Variants in ZNF608 observed in about 807,000 individuals in gnomAD.
ZNF608 encodes the protein renal carcinoma antigen NY-REN-36.
ZNF608 carries 12 observed loss-of-function variants against 109.0 expected under a neutral mutation model. That is an observed-to-expected ratio of 0.11 (90% CI 0.07 to 0.18). The LOEUF is 0.18. Ranked by LOEUF, ZNF608 falls within the 10% of genes least tolerant of loss-of-function variation. ZNF608 has a pLI of 1.00. For missense variants in ZNF608, 1,707 were observed against 1,879.3 expected (o/e 0.91, Z 1.70); for synonymous variants, 732 against 717.4 (o/e 1.02, Z -0.33).
At chr5:124,668,191 TAA>T (rs1277002600) in intron 3 of ZNF608, among the ~76,000 whole-genome samples, 14 of 45,336 alleles carry the variant, frequency 3.1e-4, no homozygotes, top group East Asian at 2.2e-3. Context: ...TCTCTATGCT[TAA>T]AAATATATAT....
chr5:124,638,032 C>T (rs953516403), intron 9 of ZNF608, 126 bp from the exon 10 acceptor site: 2 of 923,322 alleles, frequency 2.2e-6, no homozygotes, highest in African/African-American at 1.7e-5. Flanking sequence ...CTCACCGCAA[C>T]CTCTGCCTCC....
At chr5:124,712,779 C>G (rs79177946) in intron 2 of ZNF608, among the ~76,000 whole-genome samples, 26,676 of 152,080 alleles carry the variant, frequency 0.18, 2,656 homozygotes, top group Admixed American at 0.27. Context: ...TTAATTTTAC[C>G]CTAACAGCCA....
At chr5:124,725,060 C>T (rs1754082748) in intron 2 of ZNF608, among the ~76,000 whole-genome samples, 1 of 152,036 alleles carries the variant, frequency 6.6e-6, no homozygotes, top group South Asian at 2.1e-4. Flanking sequence ...TCTGGTGTCT[C>T]CTCAAACACA....
chr5:124,742,597 G>A (rs1749460824), intron 2 of ZNF608, among the ~76,000 whole-genome samples: 1 of 152,096 alleles, frequency 6.6e-6, no homozygotes, highest in Non-Finnish European at 1.5e-5. Context: ...TCAAAACCCG[G>A]AATTTTCAAA....
At chr5:124,696,019 A>C (rs1026687037) in intron 3 of ZNF608, among the ~76,000 whole-genome samples, 1 of 152,090 alleles carries the variant, frequency 6.6e-6, no homozygotes, top group African/African-American at 2.4e-5. Flanking sequence ...CCCCGTCTCT[A>C]CTAAAAATAC....
chr5:124,669,811 C>T (rs1260042780), intron 3 of ZNF608, among the ~76,000 whole-genome samples: 1 of 152,118 alleles, frequency 6.6e-6, no homozygotes, highest in Non-Finnish European at 1.5e-5. Context: ...CTAGCTCTCC[C>T]CTAAGGATCC....
At chr5:124,690,014 A>G (rs527704629) in intron 3 of ZNF608, among the ~76,000 whole-genome samples, 215 of 151,722 alleles carry the variant, frequency 1.4e-3, no homozygotes, top group Non-Finnish European at 2.5e-3. Context: ...ACCATGATAC[A>G]TCCAGACTCA....
chr5:124,686,103 T>C (rs1752399151), intron 3 of ZNF608, among the ~76,000 whole-genome samples: 1 of 152,208 alleles, frequency 6.6e-6, no homozygotes, highest in African/African-American at 2.4e-5. Context: ...GGGTGTATAC[T>C]TCAGGGATTC....
At position 124,743,449 on chromosome 5, in the gene ZNF608, T is replaced by C. The variant is rs557107303; in HGVS notation, c.906+635A>G. Among the ~76,000 whole-genome samples the C allele has an allele frequency of 4.6e-5, 7 of 152,298 alleles. No individual in the cohort carries two copies. The South Asian group carries it at 1.2e-3, about 27-fold the overall frequency. On this transcript the variant is annotated intron_variant, in intron 2 of 9. Transcript: ENST00000513986. ...AAACCATCGAGTTTTTCTGCAGTTATGAAACCAATGACCCAACACATCAAG... is the reference window on the plus strand; with the variant it reads ...AAACCATCGAGTTTTTCTGCAGTTACGAAACCAATGACCCAACACATCAAG...
intron 2 of ZNF608, among the ~76,000 whole-genome samples, chr5:124,714,464 A>G (rs1753616515): frequency 6.6e-6 from 1 of 152,168 alleles, no homozygotes; most frequent in South Asian, 2.1e-4. Context: ...ATGTCTCACT[A>G]ATGCTTTTGA....
At chr5:124,732,873 C>T (rs1025755554) in intron 2 of ZNF608, among the ~76,000 whole-genome samples, 3 of 152,188 alleles carry the variant, frequency 2.0e-5, no homozygotes, top group Admixed American at 6.5e-5. Context: ...TCTAGCCCCT[C>T]TCTCAGCTAA....
chr5:124,711,248 T>A (rs753714767), intron 2 of ZNF608, among the ~76,000 whole-genome samples: 1 of 152,198 alleles, frequency 6.6e-6, no homozygotes, highest in Non-Finnish European at 1.5e-5. Context: ...AGAGAGAACC[T>A]CTCTTCTAAC....
At chr5:124,639,734 A>C (rs1320134042) in intron 8 of ZNF608, among the ~76,000 whole-genome samples, 1 of 152,240 alleles carries the variant, frequency 6.6e-6, no homozygotes, top group Non-Finnish European at 1.5e-5. Flanking sequence ...TAGCAGTCAG[A>C]GACTGTAATA....
chr5:124,646,934 C>A lies in ZNF608; in HGVS notation c.3450G>T (p.Ser1150=), dbSNP rs189382479. 8 of 1,613,900 alleles carry A rather than the reference C, an allele frequency of 5.0e-6. No homozygotes were observed. Among genetic ancestry groups the A allele is most frequent in the Non-Finnish European group, 5.9e-6 (7 of 1,179,954 alleles). Residue 1150 remains serine, a synonymous_variant, in exon 5 of 10, where the codon TCG becomes TCT. Transcript: ENST00000513986. ...KEETKQKNMP[S]ATISKAPSTP... is the part of the protein sequence containing the mutation. ...TAGAGGGAGCTTTTGAGATTGTGGCCGATGGCATATTTTTCTGTTTAGTTT... is the reference window on the plus strand; with the variant it reads ...TAGAGGGAGCTTTTGAGATTGTGGCAGATGGCATATTTTTCTGTTTAGTTT...
At chr5:124,732,371 A>C (rs1403574451) in intron 2 of ZNF608, among the ~76,000 whole-genome samples, 1 of 152,296 alleles carries the variant, frequency 6.6e-6, no homozygotes, top group East Asian at 1.9e-4. Flanking sequence ...AGTAAAAATA[A>C]AAACAGTGAG....
At chr5:124,717,499 T>A (rs938844283) in intron 2 of ZNF608, among the ~76,000 whole-genome samples, 27 of 152,298 alleles carry the variant, frequency 1.8e-4, no homozygotes, top group African/African-American at 6.5e-4. Flanking sequence ...ATTCATTTTT[T>A]AAAAATCACA....
intron 2 of ZNF608, among the ~76,000 whole-genome samples, chr5:124,729,694 G>C (rs1748801638): frequency 1.3e-5 from 2 of 152,046 alleles, no homozygotes; most frequent in Admixed American, 1.3e-4. Flanking sequence ...GCTATATTTA[G>C]TGATCTGTGG....
At position 124,649,180 on chromosome 5, in the gene ZNF608, C is replaced by T. The variant is rs369470709; in HGVS notation, c.1251-47G>A. ...GTGAAAATGAGCATCCCCAAAAGAG[C>T]CAGGTGAAATCACAAAGTACACAAT... On this transcript the variant is annotated intron_variant, in intron 4 of 9. Transcript: ENST00000513986. 3.1e-3 allele frequency: 4,576 copies of T among 1,476,046 alleles called. 13 individuals carry two copies. The highest frequency in any genetic ancestry group is 3.6e-3 in the Non-Finnish European group (4,013 of 1,103,488). The allele number at this position is 1,476,046 out of a possible 1,614,324, so 91.4% of individuals were successfully genotyped here.
At chr5:124,711,321 A>C (rs4593264) in intron 2 of ZNF608, among the ~76,000 whole-genome samples, 150,549 of 152,382 alleles carry the variant, frequency 0.99, 74,388 homozygotes, top group East Asian at 1. Flanking sequence ...AAGAAGGAAT[A>C]ACTTTTCATT....
Sources: allele counts gnomAD v4.1 joint callset (sites outside exome capture counted in the v4.1 genomes callset), GRCh38; gene constraint gnomAD v4.1.1; transcripts MANE v1.5; gene names NCBI Gene and HGNC (gene_info 2026-07-23, HGNC 2026-07-21).